The following LMLN variants were observed in gnomAD, a reference collection of about 807,000 sequenced individuals.
LMLN encodes leishmanolysin-like peptidase.
Under a neutral mutation model 92.3 loss-of-function variants are expected in LMLN, and 70 were observed. The ratio of observed to expected loss-of-function variants is 0.76; its 90% CI spans 0.63 to 0.92. The LOEUF (loss-of-function observed/expected upper bound fraction) is 0.92, where lower values mean the gene tolerates loss of function less well. Among genes scored for constraint, LMLN ranks in the 40% least tolerant of loss-of-function variants. The pLI is 0.00. For synonymous variants in LMLN, 308 were observed against 296.2 expected, an observed-to-expected ratio of 1.04 and a Z score of -0.41; for missense variants, 691 against 814.6, an observed-to-expected ratio of 0.85 and a Z score of 1.85.
intron 11 of LMLN, among the ~76,000 whole-genome samples, chr3:198,016,313 G>T (rs756238038): frequency 4.0e-5 from 6 of 151,822 alleles, no homozygotes; most frequent in Non-Finnish European, 8.8e-5. Flanking sequence ...CCTCTGAGTT[G>T]TAACCCTAAT....
exon 11 of LMLN, chr3:197,999,274 G>A (rs769881806): frequency 2.5e-5 from 41 of 1,612,880 alleles, no homozygotes; most frequent in Non-Finnish European, 2.9e-5. Flanking sequence ...AGAATGAAGC[G>A]ATGACTGGTT....
chr3:197,973,124 A>C (rs6605321), intron 1 of LMLN, among the ~76,000 whole-genome samples: 56,782 of 151,980 alleles, frequency 0.37, 14,968 homozygotes, highest in African/African-American at 0.76. Flanking sequence ...CTCCCTCCCC[A>C]AAATACTGTC....
rs374704922 is a variant in LMLN, at chr3:198,016,386, C to A, written c.1233-2867C>A. ...CACTCTGGGTGTCCCCAGCTTGTTACCCCTGCACTACAGGTTGACCTGCCA... is the reference window on the plus strand; with the variant it reads ...CACTCTGGGTGTCCCCAGCTTGTTAACCCTGCACTACAGGTTGACCTGCCA... On this transcript the variant is annotated intron_variant, in intron 11 of 15. Transcript: ENST00000330198. 1.1e-4 allele frequency among the ~76,000 whole-genome samples: 17 copies of A among 152,282 alleles called. No individual in the cohort carries two copies. In the East Asian group the frequency reaches 2.7e-3, roughly 24 times the overall value.
At chr3:197,978,553 C>T (rs1018383656) in intron 5 of LMLN, among the ~76,000 whole-genome samples, 21 of 152,078 alleles carry the variant, frequency 1.4e-4, no homozygotes, top group African/African-American at 4.3e-4. Flanking sequence ...GGGAGGATTG[C>T]CTGAGCTGGG....
intron 11 of LMLN, among the ~76,000 whole-genome samples, chr3:197,999,987 T>C (rs1264446726): frequency 6.6e-6 from 1 of 152,262 alleles, no homozygotes. Context: ...AAGGAAAGAC[T>C]AAACAATTTT....
chr3:198,024,254 C>T (rs993986164), intron 13 of LMLN, among the ~76,000 whole-genome samples: 3 of 143,282 alleles, frequency 2.1e-5, no homozygotes, highest in South Asian at 2.2e-4. Context: ...CTCTCTCTGT[C>T]GCCCAGGCTG....
intron 11 of LMLN, among the ~76,000 whole-genome samples, chr3:198,015,330 TAACTAGTCTGACTTCTCTCCACCCTTC>T: frequency 7.0e-4 from 18 of 25,652 alleles, no homozygotes; most frequent in African/African-American, 2.0e-3. Context: ...CAGAGCCCCC[TAACTAGTCTGACTTCTCTCCACCCTTC>T]AGAGCCCCCT....
At chr3:198,009,024 A>T (rs1461563624) in intron 11 of LMLN, among the ~76,000 whole-genome samples, 3 of 151,760 alleles carry the variant, frequency 2.0e-5, no homozygotes, top group Non-Finnish European at 2.9e-5. Context: ...TCTCTTTTAC[A>T]TTTGTTAAGG....
chr3:198,031,288 A>C lies in LMLN; in HGVS notation c.1657-4545A>C, dbSNP rs1212637137. 6.6e-6 allele frequency among the ~76,000 whole-genome samples: 1 copy of C among 152,200 alleles called. No homozygotes were observed. Among genetic ancestry groups the C allele is most frequent in the Non-Finnish European group, 1.5e-5 (1 of 68,040 alleles). On this transcript the variant is annotated intron_variant, in intron 14 of 15. Transcript: ENST00000330198. This position sits in a 1 kb window ranked among gnomAD's most constrained non-coding sequence, Gnocchi z 4.8. ...ATTTTAAGAAGGTCTGTTTGTACCA[A>C]ATTCTTTGGCTTTGACTCCCCATAT... is the stretch of plus-strand genomic sequence containing the variant.
chr3:198,006,933 G>C (rs144569818), intron 11 of LMLN, among the ~76,000 whole-genome samples: 1 of 152,188 alleles, frequency 6.6e-6, no homozygotes, highest in East Asian at 1.9e-4. Flanking sequence ...GGCTGGTCTC[G>C]AACTCCTGAC....
At chr3:197,984,868 G>A (rs1043832794) in intron 7 of LMLN, among the ~76,000 whole-genome samples, 1 of 151,770 alleles carries the variant, frequency 6.6e-6, no homozygotes, top group African/African-American at 2.4e-5. Flanking sequence ...TAGAGATGGG[G>A]GTCTCGCCAT....
intron 14 of LMLN, among the ~76,000 whole-genome samples, chr3:198,030,354 C>T (rs2109951433): frequency 6.6e-6 from 1 of 152,344 alleles, no homozygotes; most frequent in South Asian, 2.1e-4. Context: ...ATTACCAGGA[C>T]TATGCAGACG....
chr3:197,995,509 A>T (rs1721991440), intron 9 of LMLN, among the ~76,000 whole-genome samples: 1 of 152,236 alleles, frequency 6.6e-6, no homozygotes, highest in South Asian at 2.1e-4. Context: ...TAATGTTTTC[A>T]CATTTCACAT....
intron 11 of LMLN, among the ~76,000 whole-genome samples, chr3:198,007,866 A>G (rs1341031257): frequency 6.6e-6 from 1 of 152,192 alleles, no homozygotes; most frequent in Non-Finnish European, 1.5e-5. Flanking sequence ...TTAGCTGCAG[A>G]TTTTTTATAC....
chr3:198,019,208 A>G lies in LMLN; in HGVS notation c.1233-45A>G. The G allele has an allele frequency of 6.4e-7, 1 of 1,564,204 alleles. No individual in the cohort carries two copies. Among genetic ancestry groups the G allele is most frequent in the Non-Finnish European group, 8.6e-7 (1 of 1,156,210 alleles). ...GTTGGCTGTATAATGGACTTGCAGT[A>G]TTTTCTTTAAAGTTTGATACCATGG... is the stretch of plus-strand genomic sequence containing the variant. On this transcript the variant is annotated intron_variant, in intron 11 of 15. Coordinates refer to ENST00000330198, the Ensembl canonical transcript of LMLN. This position sits in a 1 kb window ranked among gnomAD's most constrained non-coding sequence, Gnocchi z 5.5.
At chr3:198,007,607 T>C (rs981743431) in intron 11 of LMLN, among the ~76,000 whole-genome samples, 27 of 152,224 alleles carry the variant, frequency 1.8e-4, no homozygotes, top group African/African-American at 6.3e-4. Context: ...ATTTAATAAG[T>C]CTTGAAATTG....
intron 11 of LMLN, among the ~76,000 whole-genome samples, chr3:198,009,911 C>G (rs1467475439): frequency 6.6e-6 from 1 of 152,082 alleles, no homozygotes; most frequent in African/African-American, 2.4e-5. Context: ...ATAATCTCAT[C>G]ATGGAGGATG....
At chr3:198,039,707 G>A (rs556369266) in exon 16 of LMLN, 9 of 152,082 alleles carry the variant, frequency 5.9e-5, no homozygotes, top group East Asian at 5.8e-4. Context: ...TGATTTAACC[G>A]TGCTTGCCCT....
intron 7 of LMLN, among the ~76,000 whole-genome samples, chr3:197,985,390 TACACACACACACACAC>T (rs142039210): frequency 2.1e-5 from 3 of 142,402 alleles, no homozygotes; most frequent in Non-Finnish European, 4.6e-5. Flanking sequence ...TTTCATAATG[TACACACACACACACAC>T]ACACACACAC....
Sources: allele counts gnomAD v4.1 joint callset (sites outside exome capture counted in the v4.1 genomes callset), GRCh38; gene constraint gnomAD v4.1.1; non-coding constraint Gnocchi (gnomAD v3.1); transcripts MANE v1.5; gene names NCBI Gene and HGNC (gene_info 2026-07-23, HGNC 2026-07-21).